WBP1L: variants seen among roughly 807,000 people sequenced by gnomAD.
WBP1L encodes the protein WW domain binding protein 1 like, also known as WW domain binding protein 1-like.
WBP1L carries 17 observed loss-of-function variants against 33.7 expected under a neutral mutation model. The observed-to-expected ratio is 0.50, with a 90% CI of 0.34 to 0.76. The LOEUF (loss-of-function observed/expected upper bound fraction) is 0.76. Ranked by LOEUF, WBP1L falls within the 30% of genes least tolerant of loss-of-function variation. WBP1L has a pLI of 0.01. For missense variants in WBP1L, 389 were observed against 469.4 expected, an observed-to-expected ratio of 0.83 and a Z score of 1.58; for synonymous variants, 173 against 190.8, an observed-to-expected ratio of 0.91 and a Z score of 0.77.
chr10:102,776,455 A>T (rs1294478923), intron 1 of WBP1L: 2 of 1,613,766 alleles, frequency 1.2e-6, no homozygotes, highest in Non-Finnish European at 1.7e-6. Context: ...GGAAGGGAAG[A>T]AGGGGTGGGA....
At chr10:102,791,100 C>T (rs936372633) in intron 1 of WBP1L, among the ~76,000 whole-genome samples, 1 of 152,134 alleles carries the variant, frequency 6.6e-6, no homozygotes, top group Non-Finnish European at 1.5e-5. Context: ...CCTCTGAGGG[C>T]GCCAGCTTTG....
Position 102,789,846 on chromosome 10 carries a change from G to A in WBP1L, c.91-8147G>A, listed in dbSNP as rs542661740. Among the ~76,000 whole-genome samples, 6 of 150,990 alleles carry A rather than the reference G, an allele frequency of 4.0e-5. No homozygotes were observed. The East Asian group carries it at 7.8e-4, about 20-fold the overall frequency. ...CAACCCCCGCCTCTCAGGTTCAAGC[G>A]ATTTTCCTGCCTCAGCCTCCCGAGT... On this transcript the variant is annotated intron_variant, in intron 1 of 3. Coordinates refer to ENST00000448841, the MANE Select transcript of WBP1L (RefSeq NM_001083913.2).
intron 1 of WBP1L, among the ~76,000 whole-genome samples, chr10:102,791,288 A>T (rs1193838623): frequency 6.6e-6 from 1 of 152,104 alleles, no homozygotes; most frequent in Non-Finnish European, 1.5e-5. Flanking sequence ...CTTTGTAATT[A>T]AAAGTGATTG....
intron 1 of WBP1L, among the ~76,000 whole-genome samples, chr10:102,748,274 A>C (rs1161000463): frequency 6.6e-6 from 1 of 151,532 alleles, no homozygotes; most frequent in East Asian, 1.9e-4. Flanking sequence ...AAAAAACCAA[A>C]CAAACAAAAA....
intron 2 of WBP1L, among the ~76,000 whole-genome samples, chr10:102,809,663 G>A (rs2134067934): frequency 6.6e-6 from 1 of 152,352 alleles, no homozygotes; most frequent in Non-Finnish European, 1.5e-5. Flanking sequence ...CGCCCGGCCT[G>A]TTGTCATCAT....
intron 1 of WBP1L, among the ~76,000 whole-genome samples, chr10:102,774,490 C>T (rs1843231029): frequency 6.6e-6 from 1 of 152,158 alleles, no homozygotes; most frequent in Non-Finnish European, 1.5e-5. Flanking sequence ...CAGTTTGGCA[C>T]ATTCATTTTC....
chr10:102,796,739 C>G (rs1843578113), intron 1 of WBP1L, among the ~76,000 whole-genome samples: 1 of 152,150 alleles, frequency 6.6e-6, no homozygotes, highest in South Asian at 2.1e-4. Flanking sequence ...ATGCTTGGCA[C>G]AAAGACAGCG....
Position 102,747,322 on chromosome 10 carries a change from T to C in WBP1L, c.90+3179T>C, listed in dbSNP as rs565801403. On this transcript the variant is annotated intron_variant, in intron 1 of 3. Transcript: ENST00000448841. Reference sequence around the variant, plus strand: ...TTGTGGTGAGCCAAGATCATGCCACTGCACTCTAGCCTGGTGACAGAGCGA... The same window carrying C: ...TTGTGGTGAGCCAAGATCATGCCACCGCACTCTAGCCTGGTGACAGAGCGA... Among the ~76,000 whole-genome samples the C allele has an allele frequency of 5.1e-3, 691 of 135,976 alleles. 2 individuals are homozygous for C. Among genetic ancestry groups the C allele is most frequent in the Non-Finnish European group, 8.0e-3 (527 of 66,154 alleles). 89.2% of individuals were successfully genotyped at this position (135,976 alleles called of 152,430 possible). A position where few individuals can be genotyped will look rare whatever the true frequency, so the allele number is the denominator to read the frequency against.
At position 102,759,745 on chromosome 10, in the gene WBP1L, G is replaced by A. The variant is rs980729326; in HGVS notation, c.90+15602G>A. Among the ~76,000 whole-genome samples, 7 of 152,140 alleles carry A rather than the reference G, an allele frequency of 4.6e-5. No homozygotes were observed. The East Asian group carries it at 1.3e-3, about 29-fold the overall frequency. On this transcript the variant is annotated intron_variant, in intron 1 of 3. Transcript: ENST00000448841. ...ACAGGAAAGATCATAGCTCACTACA[G>A]CCTCCAACTCCCAGGCTCAAGCGAA...
At chr10:102,810,679 G>A (rs911100862) in intron 3 of WBP1L, among the ~76,000 whole-genome samples, 5 of 141,268 alleles carry the variant, frequency 3.5e-5, no homozygotes, top group African/African-American at 7.9e-5. Flanking sequence ...CGATTCTCCC[G>A]CCTCAGCCTC....
At chr10:102,758,302 C>A (rs191770771) in intron 1 of WBP1L, among the ~76,000 whole-genome samples, 6 of 152,092 alleles carry the variant, frequency 3.9e-5, no homozygotes, top group African/African-American at 1.4e-4. Flanking sequence ...CCACCATCAC[C>A]GCTATCTTAA....
intron 1 of WBP1L, among the ~76,000 whole-genome samples, chr10:102,782,890 C>G (rs935221238): frequency 6.6e-6 from 1 of 152,198 alleles, no homozygotes; most frequent in African/African-American, 2.4e-5. Flanking sequence ...TTTCCTCTGG[C>G]ATTGCATCAA....
chr10:102,773,868 A>C (rs1468578541), intron 1 of WBP1L, among the ~76,000 whole-genome samples: 2 of 151,974 alleles, frequency 1.3e-5, no homozygotes, highest in African/African-American at 4.8e-5. Flanking sequence ...ACAAAACAAA[A>C]AAAAAAAAGG....
intron 1 of WBP1L, among the ~76,000 whole-genome samples, chr10:102,788,407 G>C (rs1235295229): frequency 6.6e-6 from 1 of 152,058 alleles, no homozygotes. Context: ...ACCACACCTG[G>C]CTGATCTTAA....
intron 1 of WBP1L, among the ~76,000 whole-genome samples, chr10:102,755,237 G>A (rs1040198775): frequency 6.6e-6 from 1 of 151,212 alleles, no homozygotes; most frequent in East Asian, 2.0e-4. Context: ...GTGAGCCACC[G>A]CACCTGGCCT....
intron 3 of WBP1L, among the ~76,000 whole-genome samples, chr10:102,810,339 C>T (rs76272587): frequency 0.034 from 5,177 of 151,656 alleles, 129 homozygotes; most frequent in Non-Finnish European, 0.052. Flanking sequence ...GCGTACATAC[C>T]TACCTACCTA....
At chr10:102,773,732 T>C (rs1843219985) in intron 1 of WBP1L, among the ~76,000 whole-genome samples, 1 of 151,790 alleles carries the variant, frequency 6.6e-6, no homozygotes, top group African/African-American at 2.4e-5. Flanking sequence ...AAAATAAAAA[T>C]TAAAAAAACT....
At chr10:102,750,291 A>G (rs1259550606) in intron 1 of WBP1L, among the ~76,000 whole-genome samples, 1 of 151,306 alleles carries the variant, frequency 6.6e-6, no homozygotes, top group Non-Finnish European at 1.5e-5. Context: ...GCTACTCAGG[A>G]GGCTGAGGCA....
chr10:102,782,946 C>G (rs1843358954), intron 1 of WBP1L, among the ~76,000 whole-genome samples: 1 of 152,158 alleles, frequency 6.6e-6, no homozygotes, highest in Admixed American at 6.5e-5. Context: ...GCTTAACACA[C>G]AAGACTTAAG....
Sources: gnomAD v4.1 joint callset for allele counts (sites outside exome capture counted in the v4.1 genomes callset) on GRCh38, gnomAD v4.1.1 for gene constraint, MANE v1.5 for transcripts, NCBI Gene and HGNC (gene_info 2026-07-23, HGNC 2026-07-21) for gene names.